C2CD3: variants seen among roughly 807,000 people sequenced by gnomAD.
C2CD3 encodes C2 domain-containing protein 3.
In C2CD3, 148 loss-of-function variants were observed where a neutral mutation model predicts 234.0. The ratio of observed to expected loss-of-function variants is 0.63; its 90% CI spans 0.55 to 0.72. C2CD3 has a LOEUF of 0.72. C2CD3 is among the 30% of genes least tolerant of loss of function. C2CD3 has a pLI of 0.00. For synonymous variants in C2CD3, 1,000 were observed against 1,035.4 expected (o/e 0.97, Z 0.66); for missense variants, 2,577 against 2,811.5 (o/e 0.92, Z 1.89).
intron 32 of C2CD3, among the ~76,000 whole-genome samples, chr11:74,022,259 G>C (rs1349943560): frequency 1.3e-5 from 2 of 152,218 alleles, no homozygotes; most frequent in African/African-American, 2.4e-5. Context: ...GGTCATGGGG[G>C]ATAAAGGAGC....
intron 28 of C2CD3, among the ~76,000 whole-genome samples, chr11:74,046,817 G>A (rs1337247438): frequency 3.9e-5 from 6 of 151,928 alleles, no homozygotes; most frequent in Non-Finnish European, 8.8e-5. Flanking sequence ...ATAGTTTTTG[G>A]TTATTACAAA....
chr11:74,050,836 T>C (rs1329601529), intron 26 of C2CD3, among the ~76,000 whole-genome samples: 1 of 151,506 alleles, frequency 6.6e-6, no homozygotes, highest in Non-Finnish European at 1.5e-5. Flanking sequence ...TTGATAAATA[T>C]TCACTGAAAG....
At chr11:74,165,043 C>A (rs1175500018) in intron 2 of C2CD3, among the ~76,000 whole-genome samples, 3 of 152,024 alleles carry the variant, frequency 2.0e-5, no homozygotes, top group African/African-American at 7.2e-5. Context: ...TGCACTCCAG[C>A]CCGGCTGTCT....
Position 74,049,433 on chromosome 11 carries a change from CT to C in C2CD3, c.5264del (p.Gln1755ArgfsTer4). On this transcript the variant is annotated frameshift_variant, in exon 27 of 33. Transcript: ENST00000334126. LOFTEE classifies it high-confidence loss of function. The part of the protein sequence containing the change: ...YNITDFSGEC[Q>X]GQIKVAVSPL... ...GGGAGACAGCAACTTTTATCTGCCC[CT>C]GGCACTCTCCACTGAAGTCTGTGAT... is the stretch of plus-strand genomic sequence containing the variant. 2 of 1,614,044 alleles carry C rather than the reference CT, an allele frequency of 1.2e-6. No individual in the cohort carries two copies. The highest frequency in any genetic ancestry group is 1.7e-6 in the Non-Finnish European group (2 of 1,180,008).
At chr11:74,099,010 C>T (rs1300314556) in intron 15 of C2CD3, among the ~76,000 whole-genome samples, 1 of 152,154 alleles carries the variant, frequency 6.6e-6, no homozygotes. Context: ...AACTATGATG[C>T]TTGGTACATG....
chr11:74,128,613 T>C (rs1312095713), intron 7 of C2CD3: 3 of 152,102 alleles, frequency 2.0e-5, no homozygotes, highest in Admixed American at 6.6e-5. Context: ...GGCAGGGTCA[T>C]AGGACAATAG....
At chr11:74,124,900 T>G (rs1957356865) in intron 7 of C2CD3, among the ~76,000 whole-genome samples, 1 of 152,234 alleles carries the variant, frequency 6.6e-6, no homozygotes, top group Non-Finnish European at 1.5e-5. Flanking sequence ...TTAATATTTA[T>G]TTGAATTTAT....
intron 30 of C2CD3, among the ~76,000 whole-genome samples, chr11:74,035,402 G>A (rs826073): frequency 0.15 from 22,308 of 152,172 alleles, 4,683 homozygotes; most frequent in African/African-American, 0.47. Context: ...TCCTCCAGGA[G>A]GCCTTCCCAG....
intron 7 of C2CD3, among the ~76,000 whole-genome samples, chr11:74,127,306 C>A (rs945279999): frequency 2.6e-5 from 4 of 152,174 alleles, no homozygotes; most frequent in Non-Finnish European, 4.4e-5. Flanking sequence ...CCCGGCCTGG[C>A]TTCTTTCAAT....
chr11:74,084,814 G>T, intron 22 of C2CD3, 67 bp downstream of exon 22: 1 of 931,192 alleles, frequency 1.1e-6, no homozygotes, highest in Non-Finnish European at 1.8e-6. Flanking sequence ...AGACAGAGAA[G>T]ATTACCTCTT....
intron 22 of C2CD3, 115 bp downstream of exon 22, chr11:74,084,766 T>C (rs1369578476): frequency 2.9e-6 from 2 of 678,574 alleles, no homozygotes; most frequent in Non-Finnish European, 5.3e-6. Context: ...GAAGCATGTG[T>C]TAAGGGGTTG....
chr11:74,021,851 C>T (rs1046350723), intron 32 of C2CD3, among the ~76,000 whole-genome samples: 6 of 152,080 alleles, frequency 3.9e-5, no homozygotes, highest in Non-Finnish European at 2.9e-5. Context: ...GGGGGCTGGG[C>T]GCAGTGGCTT....
intron 20 of C2CD3, among the ~76,000 whole-genome samples, chr11:74,088,499 C>T (rs1019192349): frequency 6.6e-6 from 1 of 152,146 alleles, no homozygotes; most frequent in African/African-American, 2.4e-5. Context: ...CTTGTTCTCC[C>T]TCCTTGAATA....
At chr11:74,070,836 T>C (rs550014918) in intron 24 of C2CD3, 1 of 152,318 alleles carries the variant, frequency 6.6e-6, no homozygotes, top group East Asian at 1.9e-4. Context: ...TGTCCCATTC[T>C]CTCATACTAC....
intron 20 of C2CD3, among the ~76,000 whole-genome samples, chr11:74,086,733 C>G (rs1452081926): frequency 6.6e-6 from 1 of 152,160 alleles, no homozygotes; most frequent in African/African-American, 2.4e-5. Flanking sequence ...AAAGAGTAGT[C>G]AAGTCATTTG....
intron 3 of C2CD3, among the ~76,000 whole-genome samples, chr11:74,148,243 T>C (rs981629696): frequency 2.0e-5 from 3 of 152,132 alleles, no homozygotes; most frequent in Non-Finnish European, 2.9e-5. Context: ...ATATATTTAA[T>C]ACTTGGTACT....
At chr11:74,054,026 A>C (rs573860226) in intron 26 of C2CD3, among the ~76,000 whole-genome samples, 1 of 152,096 alleles carries the variant, frequency 6.6e-6, no homozygotes, top group African/African-American at 2.4e-5. Flanking sequence ...TAATCCCAGC[A>C]CTTTGGGAGG....
At chr11:74,144,824 T>C (rs1855063171) in intron 3 of C2CD3, among the ~76,000 whole-genome samples, 1 of 152,212 alleles carries the variant, frequency 6.6e-6, no homozygotes, top group Non-Finnish European at 1.5e-5. Flanking sequence ...AGTGTATACG[T>C]ACCACATTTT....
chr11:74,041,188 C>T (rs2135421016), intron 29 of C2CD3, among the ~76,000 whole-genome samples: 1 of 152,244 alleles, frequency 6.6e-6, no homozygotes, highest in South Asian at 2.1e-4. Context: ...ACACCTTTCA[C>T]TTAAGAATAA....
Sources: gnomAD v4.1 joint callset for allele counts (sites outside exome capture counted in the v4.1 genomes callset) on GRCh38, gnomAD v4.1.1 for gene constraint, MANE v1.5 for transcripts, NCBI Gene and HGNC (gene_info 2026-07-23, HGNC 2026-07-21) for gene names.